PSG7: variants seen among roughly 807,000 people sequenced by gnomAD.
The protein encoded by PSG7 is pregnancy-specific beta-1-glycoprotein 7.
In PSG7, 57 loss-of-function variants were observed where a neutral mutation model predicts 45.6. The observed-to-expected ratio is 1.25, with a 90% confidence interval of 1.01 to 1.56. The LOEUF (loss-of-function observed/expected upper bound fraction) is 1.56. Ranked by LOEUF, PSG7 falls within the 40% of genes most tolerant of loss-of-function variation. The pLI is 0.00. For missense variants in PSG7, 796 were observed against 508.4 expected, an observed-to-expected ratio of 1.57 and a Z score of -5.44; for synonymous variants, 298 against 194.4, an observed-to-expected ratio of 1.53 and a Z score of -4.43.
intron 1 of PSG7, 55 bp from the exon 2 acceptor site, chr19:42,935,824 A>T: frequency 1.3e-6 from 2 of 1,554,288 alleles, no homozygotes; most frequent in Non-Finnish European, 1.7e-6. Flanking sequence ...TGGGTTGAAA[A>T]GATGGGCCCC....
chr19:42,935,528 A>G lies in PSG7; in HGVS notation c.306T>C (p.Tyr102=), dbSNP rs1157569940. 1.9e-6 allele frequency: 3 copies of G among 1,612,068 alleles called. No homozygotes were observed. The highest frequency in any genetic ancestry group is 2.7e-5 in the African/African-American group (2 of 74,612). Residue 102 remains tyrosine (Y), a synonymous_variant, in exon 2 of 6, where the codon TAT becomes TAC. Transcript: ENST00000406070. ...GPAYSGRETV[Y]SNASLLIQNV... ...TCTGGATCAGCAGGGATGCATTGGA[A>G]TATACTGTTTCTCGTCCACTGTATG...
intron 2 of PSG7, among the ~76,000 whole-genome samples, chr19:42,934,410 G>A (rs554346048): frequency 4.6e-5 from 7 of 151,492 alleles, no homozygotes; most frequent in East Asian, 3.9e-4. Context: ...GCCTGTGGCT[G>A]CAGACAGACC....
chr19:42,926,823 C>A, intron 3 of PSG7, 107 bp from the exon 4 acceptor site: 2 of 1,526,998 alleles, frequency 1.3e-6, no homozygotes, highest in South Asian at 2.5e-5. Context: ...CGTGTGAGTC[C>A]TTGAAAGCCA....
chr19:42,931,720 TA>T (rs1434853716), intron 2 of PSG7, among the ~76,000 whole-genome samples: 3 of 151,308 alleles, frequency 2.0e-5, no homozygotes, highest in Non-Finnish European at 4.4e-5. Context: ...GCACAGGCAG[TA>T]AAACCATGAG....
At chr19:42,933,278 TA>T in intron 2 of PSG7, among the ~76,000 whole-genome samples, 2 of 6,242 alleles carry the variant, frequency 3.2e-4, no homozygotes, top group Non-Finnish European at 4.3e-4. Flanking sequence ...TATATATATA[TA>T]TATATATATA....
intron 2 of PSG7, among the ~76,000 whole-genome samples, chr19:42,930,351 A>T (rs1972993637): frequency 6.6e-6 from 1 of 151,516 alleles, no homozygotes; most frequent in Admixed American, 6.6e-5. Context: ...TGAGCCAGTG[A>T]CCTCTAAAGA....
chr19:42,928,623 G>T (rs1225330730), intron 3 of PSG7, among the ~76,000 whole-genome samples: 1 of 151,474 alleles, frequency 6.6e-6, no homozygotes, highest in Non-Finnish European at 1.5e-5. Context: ...GATCTAGAAA[G>T]AGTGAAGGGT....
At position 42,935,899 on chromosome 19, in the gene PSG7, C is replaced by T. The variant is rs1260188840; in HGVS notation, c.65-130G>A. 6.4e-6 allele frequency: 8 copies of T among 1,256,532 alleles called. 1 individual carries two copies. The highest frequency in any genetic ancestry group is 1.5e-5 in the African/African-American group (1 of 64,620). 77.8% of individuals were successfully genotyped at this position (1,256,532 alleles called of 1,614,324 possible). A position where few individuals can be genotyped will look rare whatever the true frequency, so the allele number is the denominator to read the frequency against. On this transcript the variant is annotated intron_variant, in intron 1 of 5. Transcript: ENST00000406070. Reference sequence around the variant, plus strand: ...ACACACACACACACACACACACACACACACACACACACACAAACACACACA... The same window carrying T: ...ACACACACACACACACACACACACATACACACACACACACAAACACACACA...
In PSG7 at chr19:42,925,773, C is replaced by A. The variant is rs773962473; in HGVS notation, c.1243G>T (p.Asp415Tyr). Reference protein sequence around the residue: ...SSKSVTVRVSDWTLP With the variant: ...SSKSVTVRVSYWTLP ...GCCAAGGATGCTGGGATCCACTTAC[C>A]AGAGACTCTGACTGTCACGGATTTG... is the stretch of plus-strand genomic sequence containing the variant. The change falls in exon 5 of 6, where the codon GAC becomes TAC. Residue 415 changes from aspartate to tyrosine, a missense_variant and splice_region_variant. Coordinates refer to ENST00000406070, the MANE Select transcript of PSG7 (RefSeq NM_002783.3). 6.2e-7 allele frequency: 1 copy of A among 1,611,986 alleles called. No individual in the cohort carries two copies. Among genetic ancestry groups the A allele is most frequent in the East Asian group, 2.2e-5 (1 of 44,792 alleles).
intron 2 of PSG7, among the ~76,000 whole-genome samples, chr19:42,933,307 A>ATATATATATATATATATATATTTT (rs56691588): frequency 7.4e-5 from 1 of 13,506 alleles, no homozygotes; most frequent in Non-Finnish European, 1.6e-4. Context: ...ATATATATAT[A>ATATATATATATATATATATATTTT]TTTTTTTTTT....
At chr19:42,926,143 A>C (rs1351779053) in intron 4 of PSG7, 116 bp from the exon 5 acceptor site, 2 of 1,493,616 alleles carry the variant, frequency 1.3e-6, no homozygotes, top group African/African-American at 1.4e-5. Context: ...AGTGACAGCC[A>C]AATCCCCTCT....
rs1973088953 is a variant in PSG7, at chr19:42,933,886, C to G, written c.430+1518G>C. ...ACATGAGGTGGGGTGGCTTTAGGGGCAAGAGGTAGTGGGGTGATGAAACAT... is the reference window on the plus strand; with the variant it reads ...ACATGAGGTGGGGTGGCTTTAGGGGGAAGAGGTAGTGGGGTGATGAAACAT... On this transcript the variant is annotated intron_variant, in intron 2 of 5. Coordinates refer to ENST00000406070, the MANE Select transcript of PSG7 (RefSeq NM_002783.3). Among the ~76,000 whole-genome samples the G allele has an allele frequency of 2.6e-5, 4 of 151,322 alleles. No individual in the cohort carries two copies. In the East Asian group the frequency reaches 7.8e-4, roughly 30 times the overall value.
intron 2 of PSG7, among the ~76,000 whole-genome samples, chr19:42,934,177 A>T (rs549370458): frequency 6.6e-6 from 1 of 151,418 alleles, no homozygotes; most frequent in Non-Finnish European, 1.5e-5. Flanking sequence ...TTCAGGTTCA[A>T]TGATGGGTGT....
At chr19:42,929,013 A>T (rs954598668) in intron 3 of PSG7, among the ~76,000 whole-genome samples, 2 of 151,436 alleles carry the variant, frequency 1.3e-5, no homozygotes, top group African/African-American at 4.9e-5. Context: ...TAGGTGTATG[A>T]GGAAAAAATG....
At chr19:42,932,857 G>A (rs1040610824) in intron 2 of PSG7, among the ~76,000 whole-genome samples, 17 of 151,378 alleles carry the variant, frequency 1.1e-4, no homozygotes, top group African/African-American at 3.6e-4. Flanking sequence ...ATCCCTGACT[G>A]CTCCAGTGTC....
rs374036253 is a variant in PSG7, at chr19:42,937,093, G to C, written c.-17C>G. On this transcript the variant is annotated 5_prime_UTR_variant, in exon 1 of 6. Coordinates refer to ENST00000406070, the MANE Select transcript of PSG7 (RefSeq NM_002783.3). ...GGGCCCCATGGTCTCTGCTCCCTGC[G>C]TGTTCTCCTCTGTGGAGATGAGCCT... The C allele has an allele frequency of 1.4e-5, 22 of 1,609,290 alleles. No homozygotes were observed. The highest frequency in any genetic ancestry group is 1.7e-5 in the Non-Finnish European group (20 of 1,177,256).
intron 5 of PSG7, 57 bp from the exon 6 acceptor site, chr19:42,924,881 G>T (rs896153085): frequency 3.9e-6 from 3 of 763,614 alleles, no homozygotes; most frequent in East Asian, 4.9e-5. Context: ...CTCATAACAG[G>T]TGTACTACGG....
chr19:42,936,451 C>T lies in PSG7; in HGVS notation c.64+562G>A, dbSNP rs192828140. 577 of 155,240 alleles carry T rather than the reference C, an allele frequency of 3.7e-3. 13 individuals carry two copies. The highest frequency in any genetic ancestry group is 0.013 in the African/African-American group (553 of 41,276). The allele number at this position is 155,240 out of a possible 1,614,324, so 9.6% of individuals were successfully genotyped here. A position where few individuals can be genotyped will look rare whatever the true frequency, so the allele number is the denominator to read the frequency against. ...CTGCTTATATTTTTATTTCAAGTGT[C>T]ATCTGATATAGTTATTATTTTCATT... is the stretch of plus-strand genomic sequence containing the variant. On this transcript the variant is annotated intron_variant, in intron 1 of 5. Transcript: ENST00000406070.
At position 42,925,666 on chromosome 19, in the gene PSG7, G is replaced by A. The variant is rs1321778425; in HGVS notation, c.1243+107C>T. 6.3e-6 allele frequency: 10 copies of A among 1,586,700 alleles called. No homozygotes were observed. The East Asian group carries it at 6.7e-5, about 11-fold the overall frequency. On this transcript the variant is annotated intron_variant, in intron 5 of 5. Transcript: ENST00000406070. ...GGAGGAAAATTTGGGATTTGCTTGT[G>A]CCCATGGGACACAGGCTGGGAATAC...
Sources: allele counts gnomAD v4.1 joint callset (sites outside exome capture counted in the v4.1 genomes callset), GRCh38; gene constraint gnomAD v4.1.1; transcripts MANE v1.5; gene names NCBI Gene and HGNC (gene_info 2026-07-23, HGNC 2026-07-21).